LYRM4: variants seen among roughly 807,000 people sequenced by gnomAD.
LYRM4 encodes the protein LYR motif-containing protein 4.
In LYRM4, 9 loss-of-function variants were observed where a neutral mutation model predicts 11.7. The observed-to-expected ratio is 0.77, with a 90% CI of 0.46 to 1.34. LYRM4 has a LOEUF of 1.34. Among genes scored for constraint, LYRM4 ranks in the 40% most tolerant of loss-of-function variants. The pLI, the probability that LYRM4 is intolerant of heterozygous loss-of-function variation, is 0.00. For missense variants in LYRM4, 133 were observed against 112.5 expected (o/e 1.18, Z -0.82); for synonymous variants, 42 against 40.4 (o/e 1.04, Z -0.15).
chr6:5,218,137 G>T, intron 1 of LYRM4: 1 of 668,244 alleles, frequency 1.5e-6, no homozygotes, highest in East Asian at 1.4e-4. Context: ...AAACTCCTGG[G>T]CTCAAGCTAT....
the LYRM4 span, among the ~76,000 whole-genome samples, chr6:5,068,615 G>A: frequency 1.3e-5 from 2 of 152,170 alleles, no homozygotes; most frequent in African/African-American, 4.8e-5. The surrounding 1 kb of genome is among the most constrained non-coding windows in gnomAD (Gnocchi z 4.0). Context: ...ACTGCGTGCT[G>A]TCTCTGTTGC....
At chr6:5,195,020 A>C (rs1414542662) in intron 2 of LYRM4, among the ~76,000 whole-genome samples, 7 of 152,254 alleles carry the variant, frequency 4.6e-5, no homozygotes, top group Non-Finnish European at 7.3e-5. Context: ...TTACACATAA[A>C]GGCTTGATGT....
chr6:5,174,223 T>C (rs1561848313), intron 2 of LYRM4, among the ~76,000 whole-genome samples: 2 of 152,220 alleles, frequency 1.3e-5, no homozygotes, highest in African/African-American at 4.8e-5. Flanking sequence ...TGTTGGTGTT[T>C]AGAGCTTACA....
intron 1 of LYRM4, among the ~76,000 whole-genome samples, chr6:5,235,932 C>T (rs1202337171): frequency 6.6e-6 from 1 of 152,024 alleles, no homozygotes; most frequent in Non-Finnish European, 1.5e-5. Context: ...ATATACTGGC[C>T]TAGAATAAGA....
chr6:5,160,824 C>T (rs886727316), intron 2 of LYRM4, among the ~76,000 whole-genome samples: 3 of 152,242 alleles, frequency 2.0e-5, no homozygotes, highest in African/African-American at 7.2e-5. Context: ...AGATGCTCTC[C>T]TTCCCTATGC....
At chr6:5,204,214 CCA>C (rs1241520034) in intron 2 of LYRM4, among the ~76,000 whole-genome samples, 3 of 152,154 alleles carry the variant, frequency 2.0e-5, no homozygotes, top group African/African-American at 7.2e-5. Flanking sequence ...TAAAAGAGTT[CCA>C]CAGTCTCCTT....
At chr6:5,244,134 G>A (rs1191584403) in intron 1 of LYRM4, among the ~76,000 whole-genome samples, 1 of 152,196 alleles carries the variant, frequency 6.6e-6, no homozygotes, top group African/African-American at 2.4e-5. Flanking sequence ...CATACTTCGA[G>A]TACCCATACA....
intron 2 of LYRM4, chr6:5,113,428 A>T (rs1470488090): frequency 1.0e-5 from 4 of 381,042 alleles, no homozygotes; most frequent in African/African-American, 6.4e-5. Flanking sequence ...CTAAAAGAAA[A>T]AGAGTGCAGG....
chr6:5,033,860 T>C, the LYRM4 span: 1 of 152,248 alleles, frequency 6.6e-6, no homozygotes, highest in Non-Finnish European at 1.5e-5. Context: ...AATCAATACT[T>C]GTGGCTTCAC....
At chr6:5,144,961 G>A (rs1172932150) in intron 2 of LYRM4, among the ~76,000 whole-genome samples, 1 of 152,194 alleles carries the variant, frequency 6.6e-6, no homozygotes, top group Non-Finnish European at 1.5e-5. Context: ...TGAGCCCAAA[G>A]TGAGAGTCAG....
chr6:5,232,917 T>C (rs988145179), intron 1 of LYRM4, among the ~76,000 whole-genome samples: 3 of 152,224 alleles, frequency 2.0e-5, no homozygotes, highest in Admixed American at 2.0e-4. Context: ...TCCATGTGAA[T>C]GTAGGGTAGA....
At chr6:5,238,510 A>C (rs1763681819) in intron 1 of LYRM4, among the ~76,000 whole-genome samples, 1 of 152,228 alleles carries the variant, frequency 6.6e-6, no homozygotes, top group Non-Finnish European at 1.5e-5. Flanking sequence ...GTCAACTAAC[A>C]AATCATAAGC....
chr6:5,260,048 T>A (rs1764924157), intron 1 of LYRM4, among the ~76,000 whole-genome samples: 2 of 152,182 alleles, frequency 1.3e-5, no homozygotes, highest in African/African-American at 4.8e-5. Flanking sequence ...GTAAGCGGGA[T>A]CTCTGTCTGG....
chr6:5,209,862 G>A (rs956951529), intron 2 of LYRM4, among the ~76,000 whole-genome samples: 3 of 152,142 alleles, frequency 2.0e-5, no homozygotes, highest in Admixed American at 6.5e-5. Flanking sequence ...GATGGGGCTT[G>A]GGAAAAGCAT....
intron 2 of LYRM4, among the ~76,000 whole-genome samples, chr6:5,187,341 A>G (rs1022552223): frequency 2.0e-5 from 3 of 152,260 alleles, no homozygotes; most frequent in African/African-American, 7.2e-5. Context: ...AAAGACACAC[A>G]TATCAGCTTG....
intron 2 of LYRM4, among the ~76,000 whole-genome samples, chr6:5,175,545 T>C (rs958530579): frequency 6.6e-6 from 1 of 152,020 alleles, no homozygotes; most frequent in Admixed American, 6.5e-5. Context: ...GGAAAAACCA[T>C]TTCCTGAGGT....
chr6:5,130,150 C>T (rs536962324), intron 2 of LYRM4, among the ~76,000 whole-genome samples: 1 of 152,222 alleles, frequency 6.6e-6, no homozygotes, highest in Non-Finnish European at 1.5e-5. Context: ...CACCCCAGCG[C>T]TGGGGGAGAC....
the LYRM4 span, among the ~76,000 whole-genome samples, chr6:5,093,983 C>A: frequency 6.6e-6 from 1 of 152,210 alleles, no homozygotes; most frequent in Non-Finnish European, 1.5e-5. Flanking sequence ...GGCCCCCAAC[C>A]CCGACTAGGT....
At chr6:5,051,107 T>C in the LYRM4 span, among the ~76,000 whole-genome samples, 1 of 152,060 alleles carries the variant, frequency 6.6e-6, no homozygotes, top group Non-Finnish European at 1.5e-5. Context: ...GATAGAACAA[T>C]TGAATTCTTG....
Sources: gnomAD v4.1 joint callset for allele counts (sites outside exome capture counted in the v4.1 genomes callset) on GRCh38, gnomAD v4.1.1 for gene constraint, Gnocchi (gnomAD v3.1) non-coding constraint, MANE v1.5 for transcripts, NCBI Gene and HGNC (gene_info 2026-07-23, HGNC 2026-07-21) for gene names.